Variants in EXOC4 observed in about 807,000 individuals in gnomAD.
EXOC4 encodes the protein exocyst complex component 4.
EXOC4 carries 71 observed loss-of-function variants against 107.2 expected under a neutral mutation model. The ratio of observed to expected loss-of-function variants is 0.66; its 90% CI spans 0.55 to 0.81. The LOEUF (loss-of-function observed/expected upper bound fraction) is 0.81, where lower values mean the gene tolerates loss of function less well. Among genes scored for constraint, EXOC4 ranks in the 30% least tolerant of loss-of-function variants. EXOC4 has a pLI of 0.00. For synonymous variants in EXOC4, 456 were observed against 441.2 expected (o/e 1.03, Z -0.42); for missense variants, 1,108 against 1,189.6 (o/e 0.93, Z 1.01).
chr7:133,977,766 GTT>G (rs1307896941), intron 14 of EXOC4, among the ~76,000 whole-genome samples: 3 of 150,976 alleles, frequency 2.0e-5, no homozygotes, highest in Non-Finnish European at 4.4e-5. Context: ...GTGTGTGTGT[GTT>G]TGTTTGTTTT....
chr7:133,976,555 A>G (rs1313430079), intron 14 of EXOC4, among the ~76,000 whole-genome samples: 1 of 103,772 alleles, frequency 9.6e-6, no homozygotes, highest in East Asian at 4.1e-4. Flanking sequence ...GTGAACCAAT[A>G]TGATAGTTAG....
At chr7:133,880,937 CTCA>C (rs1798953201) in intron 11 of EXOC4, among the ~76,000 whole-genome samples, 1 of 151,918 alleles carries the variant, frequency 6.6e-6, no homozygotes, top group South Asian at 2.1e-4. Context: ...AAAATTTGAC[CTCA>C]TATTTTTTCT....
At chr7:133,445,733 T>C (rs1183041531) in intron 7 of EXOC4, among the ~76,000 whole-genome samples, 9 of 152,110 alleles carry the variant, frequency 5.9e-5, no homozygotes, top group Non-Finnish European at 7.4e-5. Flanking sequence ...GGAGCTGCGT[T>C]ATCTGGTGTG....
At chr7:133,394,369 A>G (rs1434001067) in intron 7 of EXOC4, among the ~76,000 whole-genome samples, 1 of 152,198 alleles carries the variant, frequency 6.6e-6, no homozygotes, top group Non-Finnish European at 1.5e-5. Flanking sequence ...ACTTGCTGCA[A>G]ATTAAATCCA....
intron 13 of EXOC4, among the ~76,000 whole-genome samples, chr7:133,919,450 A>G (rs1325395189): frequency 6.6e-6 from 1 of 152,206 alleles, no homozygotes; most frequent in East Asian, 1.9e-4. Context: ...TGACACATGT[A>G]TAAGGAATAC....
At chr7:133,643,741 G>A (rs1048499179) in intron 10 of EXOC4, among the ~76,000 whole-genome samples, 2 of 152,010 alleles carry the variant, frequency 1.3e-5, no homozygotes, top group Non-Finnish European at 2.9e-5. Flanking sequence ...CATGATGAAG[G>A]AAAAAGGAAA....
chr7:133,964,495 C>T (rs1436424965), intron 14 of EXOC4, among the ~76,000 whole-genome samples: 3 of 152,108 alleles, frequency 2.0e-5, no homozygotes, highest in Non-Finnish European at 4.4e-5. Context: ...GACCTCCCGA[C>T]AGGCCCCAGT....
chr7:133,587,117 A>G (rs1801424607), intron 9 of EXOC4, among the ~76,000 whole-genome samples: 1 of 152,064 alleles, frequency 6.6e-6, no homozygotes, highest in South Asian at 2.1e-4. Context: ...TACAGCAGTG[A>G]GCCACCATGC....
intron 7 of EXOC4, among the ~76,000 whole-genome samples, chr7:133,377,210 T>G (rs1563042138): frequency 6.6e-6 from 1 of 151,902 alleles, no homozygotes; most frequent in Non-Finnish European, 1.5e-5. Context: ...AAAAATTAGC[T>G]GGGCGTGGTG....
At chr7:134,098,439 C>T in the EXOC4 span, among the ~76,000 whole-genome samples, 12 of 152,244 alleles carry the variant, frequency 7.9e-5, no homozygotes, top group African/African-American at 2.9e-4. Flanking sequence ...AATTCTTGCA[C>T]ACACAGTGCT....
chr7:133,853,581 T>C (rs1404143080), intron 11 of EXOC4, among the ~76,000 whole-genome samples: 1 of 152,106 alleles, frequency 6.6e-6, no homozygotes, highest in Non-Finnish European at 1.5e-5. Flanking sequence ...TCGCCACCTC[T>C]ATCTATTTTA....
At chr7:133,873,621 T>G (rs1294787062) in intron 11 of EXOC4, among the ~76,000 whole-genome samples, 1 of 152,224 alleles carries the variant, frequency 6.6e-6, no homozygotes, top group Non-Finnish European at 1.5e-5. Context: ...AAAACAGTGG[T>G]AATATAGATA....
intron 17 of EXOC4, among the ~76,000 whole-genome samples, chr7:134,041,090 G>A (rs904662662): frequency 1.3e-5 from 2 of 152,130 alleles, no homozygotes; most frequent in Non-Finnish European, 2.9e-5. Context: ...TATGGCATCA[G>A]ATGTTTATAG....
intron 17 of EXOC4, among the ~76,000 whole-genome samples, chr7:134,012,210 G>A (rs561949428): frequency 3.3e-5 from 5 of 152,236 alleles, no homozygotes; most frequent in Admixed American, 2.6e-4. Flanking sequence ...AATCAGTCTG[G>A]CCGCGATGTT....
intron 10 of EXOC4, among the ~76,000 whole-genome samples, chr7:133,715,588 C>G (rs1385754737): frequency 1.3e-5 from 2 of 151,710 alleles, no homozygotes; most frequent in East Asian, 1.9e-4. Flanking sequence ...GTATAAAAAC[C>G]CTTATATTTT....
chr7:133,369,364 A>C (rs1163397812), intron 6 of EXOC4, among the ~76,000 whole-genome samples: 1 of 152,152 alleles, frequency 6.6e-6, no homozygotes, highest in Non-Finnish European at 1.5e-5. Flanking sequence ...TTTCCTTATT[A>C]GTCATTCACT....
intron 5 of EXOC4, among the ~76,000 whole-genome samples, chr7:133,346,760 G>A (rs532882098): frequency 6.6e-6 from 1 of 152,266 alleles, no homozygotes; most frequent in South Asian, 2.1e-4. Context: ...TTGAATACAT[G>A]TGATTTAAGT....
chr7:133,656,659 A>G (rs1459092504), intron 10 of EXOC4, among the ~76,000 whole-genome samples: 1 of 152,176 alleles, frequency 6.6e-6, no homozygotes, highest in Non-Finnish European at 1.5e-5. Context: ...CCTATTTTAA[A>G]TTGTTTCCAT....
chr7:134,078,477 A>G, the EXOC4 span, among the ~76,000 whole-genome samples: 1 of 152,046 alleles, frequency 6.6e-6, no homozygotes, highest in South Asian at 2.1e-4. Context: ...CTTTTTCCTT[A>G]GGAACTTTCT....
Sources: gnomAD v4.1 joint callset for allele counts (sites outside exome capture counted in the v4.1 genomes callset) on GRCh38, gnomAD v4.1.1 for gene constraint, MANE v1.5 for transcripts, NCBI Gene and HGNC (gene_info 2026-07-23, HGNC 2026-07-21) for gene names.